The following HADHB variants were observed in gnomAD, a reference collection of about 807,000 sequenced individuals.
HADHB encodes hydroxyacyl-CoA dehydrogenase trifunctional multienzyme complex subunit beta.
A neutral mutation model predicts 61.9 loss-of-function variants in HADHB; 50 were observed. That is an observed-to-expected ratio of 0.81 (90% CI 0.64 to 1.02). The LOEUF is 1.02. HADHB is among the 50% of genes least tolerant of loss of function. The probability of loss-of-function intolerance (pLI) is 0.00; values close to 1 mark genes in which losing one functional copy is unlikely to be tolerated. For missense variants in HADHB, 504 were observed against 586.5 expected (o/e 0.86, Z 1.45); for synonymous variants, 191 against 201.6 (o/e 0.95, Z 0.45).
chr2:26,283,861 C>G (rs1352638056), intron 12 of HADHB, among the ~76,000 whole-genome samples: 1 of 152,186 alleles, frequency 6.6e-6, no homozygotes, highest in African/African-American at 2.4e-5. Context: ...TCTTCCAGTT[C>G]TTCATGTTAT....
chr2:26,274,014 T>C (rs1025830311), intron 6 of HADHB, among the ~76,000 whole-genome samples: 1 of 152,226 alleles, frequency 6.6e-6, no homozygotes. Flanking sequence ...CATTGTCTCT[T>C]GTGTTAGGAA....
chr2:26,249,641 T>C (rs1669061412), intron 1 of HADHB, among the ~76,000 whole-genome samples: 1 of 151,924 alleles, frequency 6.6e-6, no homozygotes, highest in Non-Finnish European at 1.5e-5. Context: ...CGTACTCTTC[T>C]GCTTGTTTGG....
chr2:26,252,426 G>A (rs1297061494), intron 1 of HADHB, among the ~76,000 whole-genome samples: 1 of 152,092 alleles, frequency 6.6e-6, no homozygotes, highest in Non-Finnish European at 1.5e-5. Flanking sequence ...AATTATAAAA[G>A]GTGTGTGATG....
At chr2:26,287,881 A>C (rs995601305) in intron 15 of HADHB, among the ~76,000 whole-genome samples, 3 of 152,160 alleles carry the variant, frequency 2.0e-5, no homozygotes, top group African/African-American at 4.8e-5. Context: ...CCAGGTACAC[A>C]CGGTTGGTAT....
intron 1 of HADHB, among the ~76,000 whole-genome samples, chr2:26,246,720 C>A (rs760106546): frequency 6.6e-6 from 1 of 152,124 alleles, no homozygotes; most frequent in Non-Finnish European, 1.5e-5. Flanking sequence ...TGATTTAGAT[C>A]ACTCATTTGG....
intron 4 of HADHB, among the ~76,000 whole-genome samples, chr2:26,264,780 T>C (rs936025072): frequency 6.6e-6 from 1 of 151,706 alleles, no homozygotes; most frequent in African/African-American, 2.4e-5. Flanking sequence ...AAGGCTAAGG[T>C]GGGTGGATCA....
chr2:26,281,195 C>T (rs1403702871), intron 10 of HADHB, among the ~76,000 whole-genome samples: 3 of 151,976 alleles, frequency 2.0e-5, no homozygotes, highest in Admixed American at 6.6e-5. Context: ...CTCAATTAAA[C>T]ATCTTTATTG....
chr2:26,253,183 T>C (rs1296805363), intron 1 of HADHB, among the ~76,000 whole-genome samples: 2 of 152,204 alleles, frequency 1.3e-5, no homozygotes, highest in Admixed American at 6.5e-5. Context: ...AAATTTAGTC[T>C]TTTTTGGAGG....
rs780072612 is a variant in HADHB at position 26,278,691 on chromosome 2, C to T, written c.520C>T (p.Arg174Cys). The change falls in exon 8 of 16, where the codon CGT becomes TGT. Residue 174 changes from arginine to cysteine, a missense_variant. Physicochemically the swap from Arg to Cys is radical, Grantham distance 180 (BLOSUM62 -3). Coordinates refer to ENST00000317799, the MANE Select transcript of HADHB (RefSeq NM_000183.3). ...GVELMSDVPI[R>C]HSRKMRKLML... ...TGAGTTGATGTCCGATGTCCCTATTCGTCACTCAAGGAAAATGAGAAAACT... is the reference window on the plus strand; with the variant it reads ...TGAGTTGATGTCCGATGTCCCTATTTGTCACTCAAGGAAAATGAGAAAACT... 2.5e-6 allele frequency: 4 copies of T among 1,613,882 alleles called. No homozygotes were observed. The highest frequency in any genetic ancestry group is 2.5e-6 in the Non-Finnish European group (3 of 1,179,816).
intron 6 of HADHB, 38 bp from the exon 7 acceptor site, chr2:26,277,035 C>A (rs1328000538): frequency 2.1e-6 from 2 of 973,444 alleles, no homozygotes; most frequent in Admixed American, 1.7e-5. Context: ...GATGCCCTTC[C>A]CTTATAGTGA....
At chr2:26,260,081 G>GTTTTT (rs35276756) in intron 3 of HADHB, among the ~76,000 whole-genome samples, 58 of 133,548 alleles carry the variant, frequency 4.3e-4, no homozygotes, top group African/African-American at 1.4e-3. Flanking sequence ...GTTTTTTCTG[G>GTTTTT]TTTTTTTTTT....
At chr2:26,260,903 T>A (rs1671833852) in intron 3 of HADHB, 1 of 695,468 alleles carries the variant, frequency 1.4e-6, no homozygotes, top group Non-Finnish European at 2.5e-6. Context: ...GACATCAGTT[T>A]ACCATCAACC....
At chr2:26,269,769 T>TA (rs1206497681) in intron 4 of HADHB, among the ~76,000 whole-genome samples, 184 bp from the exon 5 acceptor site, 5 of 152,228 alleles carry the variant, frequency 3.3e-5, no homozygotes, top group Admixed American at 3.3e-4. Context: ...GCTAGACTTT[T>TA]AAGGATGACA....
intron 14 of HADHB, 136 bp downstream of exon 14, chr2:26,285,093 ATTTC>A: frequency 1.6e-6 from 1 of 644,926 alleles, no homozygotes; most frequent in Non-Finnish European, 2.8e-6. Flanking sequence ...AAAGATATTT[ATTTC>A]TTAGTGTAAA....
intron 1 of HADHB, among the ~76,000 whole-genome samples, chr2:26,251,322 G>T (rs192385803): frequency 2.0e-5 from 3 of 151,962 alleles, no homozygotes; most frequent in African/African-American, 7.2e-5. Flanking sequence ...GAGTAGCTGC[G>T]ACTACAGGCA....
At chr2:26,250,264 A>C (rs1207843355) in intron 1 of HADHB, among the ~76,000 whole-genome samples, 1 of 152,190 alleles carries the variant, frequency 6.6e-6, no homozygotes, top group Non-Finnish European at 1.5e-5. Flanking sequence ...TGGGCGTCCC[A>C]AAATGCTGGG....
intron 10 of HADHB, among the ~76,000 whole-genome samples, chr2:26,282,109 C>T (rs1389170622): frequency 6.6e-6 from 1 of 151,602 alleles, no homozygotes; most frequent in Non-Finnish European, 1.5e-5. Context: ...GACCTGTAAG[C>T]CACGGGCAGA....
At chr2:26,285,978 T>C (rs1204314250) in intron 15 of HADHB, among the ~76,000 whole-genome samples, 1 of 151,978 alleles carries the variant, frequency 6.6e-6, no homozygotes, top group Non-Finnish European at 1.5e-5. Context: ...CTTCAAGTGA[T>C]CCACCCTCCT....
intron 3 of HADHB, chr2:26,261,216 C>G (rs376229751): frequency 1.1e-5 from 5 of 473,410 alleles, no homozygotes; most frequent in East Asian, 6.2e-5. Context: ...ACAAATACCC[C>G]CCCCCCATCC....
Sources: gnomAD v4.1 joint callset for allele counts (sites outside exome capture counted in the v4.1 genomes callset) on GRCh38, gnomAD v4.1.1 for gene constraint, MANE v1.5 for transcripts, NCBI Gene and HGNC (gene_info 2026-07-23, HGNC 2026-07-21) for gene names.